Variants in LAMA3 observed in about 807,000 individuals in gnomAD.
LAMA3 encodes the protein laminin subunit alpha-3.
Under a neutral mutation model 402.0 loss-of-function variants are expected in LAMA3, and 281 were observed. The ratio of observed to expected loss-of-function variants is 0.70; its 90% CI spans 0.63 to 0.77. The LOEUF (loss-of-function observed/expected upper bound fraction) is 0.77. Ranked by LOEUF, LAMA3 falls within the 30% of genes least tolerant of loss-of-function variation. The pLI is 0.00. For synonymous variants in LAMA3, 1,431 were observed against 1,558.4 expected (o/e 0.92, Z 1.93); for missense variants, 3,840 against 4,215.5 (o/e 0.91, Z 2.47).
At chr18:23,852,530 T>G (rs1340645751) in intron 32 of LAMA3, among the ~76,000 whole-genome samples, 1 of 152,198 alleles carries the variant, frequency 6.6e-6, no homozygotes, top group Admixed American at 6.5e-5. Context: ...TTGCTCAAAG[T>G]GCATCTAATA....
At chr18:23,945,106 C>G (rs2082662280) in intron 69 of LAMA3, among the ~76,000 whole-genome samples, 1 of 152,084 alleles carries the variant, frequency 6.6e-6, no homozygotes, top group East Asian at 1.9e-4. Context: ...GCACTCCAGC[C>G]TGGGCGACAG....
chr18:23,911,608 G>A (rs1427265715), intron 55 of LAMA3, among the ~76,000 whole-genome samples: 1 of 151,406 alleles, frequency 6.6e-6, no homozygotes, highest in Non-Finnish European at 1.5e-5. Flanking sequence ...GGAAAAAATG[G>A]TCCTTCACCA....
intron 12 of LAMA3, among the ~76,000 whole-genome samples, chr18:23,797,230 A>T (rs2062780840): frequency 6.6e-6 from 1 of 151,462 alleles, no homozygotes; most frequent in Non-Finnish European, 1.5e-5. Flanking sequence ...TTTGTCTGTG[A>T]TGGCCTTCCT....
rs75319970 is a variant in LAMA3, at chr18:23,759,700, G to C, written c.1063+1189G>C. ...GGGATTATAGGACTTTATACTTTTT[G>C]ACCAAATATTTTTTGTAACTATTAG... On this transcript the variant is annotated intron_variant, in intron 7 of 74. Coordinates refer to ENST00000313654, the MANE Select transcript of LAMA3 (RefSeq NM_198129.4). Among the ~76,000 whole-genome samples the C allele has an allele frequency of 7.6e-3, 1,159 of 152,266 alleles. 18 individuals are homozygous for C. Among genetic ancestry groups the C allele is most frequent in the African/African-American group, 0.027 (1,114 of 41,554 alleles).
chr18:23,900,070 CGT>C (rs35969367), intron 47 of LAMA3, among the ~76,000 whole-genome samples: 2 of 150,724 alleles, frequency 1.3e-5, no homozygotes, highest in African/African-American at 2.4e-5. Flanking sequence ...TGTGTGTGTG[CGT>C]GTGTGTGTGT....
At chr18:23,798,712 A>G (rs1304195730) in intron 12 of LAMA3, among the ~76,000 whole-genome samples, 1 of 152,238 alleles carries the variant, frequency 6.6e-6, no homozygotes, top group African/African-American at 2.4e-5. Flanking sequence ...GATTTTCTGT[A>G]GATTTAATTC....
intron 39 of LAMA3, among the ~76,000 whole-genome samples, chr18:23,877,762 T>C (rs1266334822): frequency 6.6e-6 from 1 of 152,194 alleles, no homozygotes; most frequent in Non-Finnish European, 1.5e-5. Flanking sequence ...TCCTATAGAA[T>C]AGTTCATGTT....
intron 62 of LAMA3, among the ~76,000 whole-genome samples, chr18:23,925,996 T>G (rs1441087939): frequency 1.3e-5 from 2 of 152,326 alleles, no homozygotes; most frequent in Non-Finnish European, 2.9e-5. Context: ...CCTTAACCTC[T>G]TAATGCCTCA....
rs761822825 is a variant in LAMA3 at position 23,813,113 on chromosome 18, CT to C, written c.1788+11del. On this transcript the variant is annotated intron_variant, in intron 14 of 74. Coordinates refer to ENST00000313654, the MANE Select transcript of LAMA3 (RefSeq NM_198129.4). ...CATCAACTCCAATTTGGTAAGTAGA[CT>C]ATAAAAGGGTTGCAATTCTAACTAT... 1.3e-6 allele frequency: 2 copies of C among 1,584,138 alleles called. No individual in the cohort carries two copies. Among genetic ancestry groups the C allele is most frequent in the African/African-American group, 2.7e-5 (2 of 74,448 alleles).
At chr18:23,712,344 A>G (rs2061006973) in intron 1 of LAMA3, among the ~76,000 whole-genome samples, 1 of 148,224 alleles carries the variant, frequency 6.7e-6, no homozygotes, top group Non-Finnish European at 1.5e-5. Context: ...ATGCCATTGC[A>G]CTCCAGCCTG....
intron 39 of LAMA3, among the ~76,000 whole-genome samples, chr18:23,881,215 A>G (rs906269292): frequency 6.6e-6 from 1 of 152,274 alleles, no homozygotes; most frequent in African/African-American, 2.4e-5. Context: ...AAATTTCATT[A>G]GACAGCAACT....
chr18:23,912,022 T>C lies in LAMA3; in HGVS notation c.7159-689T>C, dbSNP rs190567687. On this transcript the variant is annotated intron_variant, in intron 55 of 74. Coordinates refer to ENST00000313654, the MANE Select transcript of LAMA3 (RefSeq NM_198129.4). ...TTTATATATAAATATATATAATACA[T>C]AATTATATATAAATTGTATATTAAT... 6.6e-3 allele frequency among the ~76,000 whole-genome samples: 961 copies of C among 145,576 alleles called. 11 individuals are homozygous for C. The highest frequency in any genetic ancestry group is 0.022 in the African/African-American group (905 of 40,348).
At chr18:23,781,124 C>A (rs1346180800) in intron 11 of LAMA3, among the ~76,000 whole-genome samples, 1 of 152,150 alleles carries the variant, frequency 6.6e-6, no homozygotes, top group African/African-American at 2.4e-5. Flanking sequence ...AATCAGAATT[C>A]TTTGAGCCTC....
chr18:23,757,376 G>A (rs2061869687), intron 6 of LAMA3, among the ~76,000 whole-genome samples: 3 of 151,772 alleles, frequency 2.0e-5, no homozygotes, highest in Non-Finnish European at 4.4e-5. Flanking sequence ...CCTGCTTGGC[G>A]CTCTCCAGCA....
At chr18:23,835,930 A>G (rs2063572436) in intron 24 of LAMA3, among the ~76,000 whole-genome samples, 1 of 152,192 alleles carries the variant, frequency 6.6e-6, no homozygotes, top group East Asian at 1.9e-4. Context: ...GCTGTGATAA[A>G]TCTAATCTGC....
chr18:23,761,591 T>A (rs1462859492), intron 7 of LAMA3, among the ~76,000 whole-genome samples: 5 of 152,230 alleles, frequency 3.3e-5, no homozygotes, highest in African/African-American at 1.2e-4. Flanking sequence ...ATAATTCATG[T>A]AAAGCACTTT....
chr18:23,876,109 C>A (rs915706450), intron 38 of LAMA3, among the ~76,000 whole-genome samples, 185 bp from the exon 39 acceptor site: 1 of 152,124 alleles, frequency 6.6e-6, no homozygotes, highest in Non-Finnish European at 1.5e-5. Context: ...GCCTAGGAGC[C>A]CAAGACTCTA....
rs750402445 is a variant in LAMA3, at chr18:23,950,112, G to GGAA, written c.9597_9599dup (p.Gly3199_Ser3200insArg). 5.0e-6 allele frequency: 8 copies of GGAA among 1,613,926 alleles called. No homozygotes were observed. The African/African-American group carries it at 1.1e-4, about 22-fold the overall frequency. ...TCTCACTGGGATCCTAATACACATC[G>GGAA]GAAGTCAGCCCGGGAAGCACTTATG... is the stretch of plus-strand genomic sequence containing the variant. On this transcript the variant is annotated inframe_insertion, in exon 72 of 75. Coordinates refer to ENST00000313654, the MANE Select transcript of LAMA3 (RefSeq NM_198129.4).
chr18:23,690,858 C>A (rs1227952914), intron 1 of LAMA3, among the ~76,000 whole-genome samples: 1 of 150,100 alleles, frequency 6.7e-6, no homozygotes, highest in Non-Finnish European at 1.5e-5. Context: ...CTCACTGCAA[C>A]CTCAGGCCTG....
Sources: gnomAD v4.1 joint callset for allele counts (sites outside exome capture counted in the v4.1 genomes callset) on GRCh38, gnomAD v4.1.1 for gene constraint, MANE v1.5 for transcripts, NCBI Gene and HGNC (gene_info 2026-07-23, HGNC 2026-07-21) for gene names.